MYO16: variants seen among roughly 807,000 people sequenced by gnomAD.
The protein encoded by MYO16 is myosin XVI, also known as unconventional myosin-XVI.
Under a neutral mutation model 205.3 loss-of-function variants are expected in MYO16, and 94 were observed. That is an observed-to-expected ratio of 0.46 (90% CI 0.39 to 0.54). The LOEUF (loss-of-function observed/expected upper bound fraction) is 0.54, where lower values mean the gene tolerates loss of function less well. Among genes scored for constraint, MYO16 ranks in the 20% least tolerant of loss-of-function variants. The probability of loss-of-function intolerance (pLI) is 0.00; values close to 1 mark genes in which losing one functional copy is unlikely to be tolerated. For missense variants in MYO16, 2,315 were observed against 2,387.5 expected (o/e 0.97, Z 0.63); for synonymous variants, 988 against 954.0 (o/e 1.04, Z -0.66).
At chr13:108,857,724 C>T (rs1434185270) in intron 11 of MYO16, among the ~76,000 whole-genome samples, 5 of 152,176 alleles carry the variant, frequency 3.3e-5, no homozygotes, top group South Asian at 2.1e-4. Context: ...AAATGGAGTT[C>T]GTTATGTGAG....
intron 2 of MYO16, among the ~76,000 whole-genome samples, chr13:108,685,614 C>A (rs1882646514): frequency 6.6e-6 from 1 of 152,164 alleles, no homozygotes; most frequent in African/African-American, 2.4e-5. Context: ...GGAGGGCCTT[C>A]AAATATCCCG....
the MYO16 span, among the ~76,000 whole-genome samples, chr13:108,521,984 C>T: frequency 6.6e-6 from 1 of 152,170 alleles, no homozygotes; most frequent in Non-Finnish European, 1.5e-5. Flanking sequence ...TTCCCCCAGT[C>T]TTTCTTCTCA....
chr13:109,129,418 T>C (rs1485042823), intron 31 of MYO16, among the ~76,000 whole-genome samples: 1 of 152,084 alleles, frequency 6.6e-6, no homozygotes, highest in Admixed American at 6.5e-5. Context: ...GGCTTAGATA[T>C]AAATTAGAAC....
In MYO16 at chr13:108,929,013, G is replaced by T. The variant is rs1270792214; in HGVS notation, c.1925+18863G>T. 3.9e-5 allele frequency among the ~76,000 whole-genome samples: 6 copies of T among 152,122 alleles called. No individual in the cohort carries two copies. The East Asian group carries it at 1.2e-3, about 29-fold the overall frequency. On this transcript the variant is annotated intron_variant, in intron 16 of 34. Transcript: ENST00000457511. ...AAACAAAGTCACTAGAAAACTAAAT[G>T]TTGATAATTGGTAATGAAAACAAAA...
In MYO16 at chr13:108,798,924, C is replaced by A. The variant is rs577117054; in HGVS notation, c.741+5284C>A. Among the ~76,000 whole-genome samples, 5 of 145,736 alleles carry A rather than the reference C, an allele frequency of 3.4e-5. No homozygotes were observed. In the East Asian group the frequency reaches 1.0e-3, roughly 30 times the overall value. ...GTTTCACCTTGTTAGCCGGGATGGT[C>A]TCGATCTCCCGACCTCATGATCCAC... On this transcript the variant is annotated intron_variant, in intron 6 of 34. Transcript: ENST00000457511.
chr13:108,980,389 CCT>C (rs1386295123), intron 20 of MYO16, among the ~76,000 whole-genome samples: 6 of 152,116 alleles, frequency 3.9e-5, no homozygotes, highest in African/African-American at 1.4e-4. Context: ...CTTTTCAACC[CCT>C]GTTAACTGTC....
chr13:108,678,283 A>G (rs1594202088), intron 2 of MYO16, among the ~76,000 whole-genome samples: 2 of 152,302 alleles, frequency 1.3e-5, no homozygotes, highest in Admixed American at 1.3e-4. Context: ...AAACTGCCCC[A>G]CTGGAGCCAG....
chr13:109,150,821 A>G (rs1380336733), intron 32 of MYO16, among the ~76,000 whole-genome samples: 2 of 152,252 alleles, frequency 1.3e-5, no homozygotes, highest in Non-Finnish European at 2.9e-5. Flanking sequence ...CTGGATTGCA[A>G]ATTAAACTCC....
chr13:108,623,912 C>T (rs528615651), intron 1 of MYO16, among the ~76,000 whole-genome samples: 50 of 151,980 alleles, frequency 3.3e-4, no homozygotes, highest in Admixed American at 8.5e-4. Context: ...TGAATATAAG[C>T]TTTAGAGAAG....
chr13:108,984,566 C>G (rs902758294), intron 20 of MYO16, among the ~76,000 whole-genome samples: 1 of 152,132 alleles, frequency 6.6e-6, no homozygotes, highest in Non-Finnish European at 1.5e-5. Context: ...AATCTTCCAC[C>G]CCACCTATCC....
chr13:108,504,277 A>G, the MYO16 span, among the ~76,000 whole-genome samples: 4 of 152,004 alleles, frequency 2.6e-5, no homozygotes, highest in African/African-American at 7.3e-5. Flanking sequence ...ACATGCTACC[A>G]TGCCCAGCTA....
intron 23 of MYO16, among the ~76,000 whole-genome samples, chr13:109,030,307 T>C (rs1006593545): frequency 6.6e-6 from 1 of 152,106 alleles, no homozygotes; most frequent in Admixed American, 6.5e-5. Context: ...AAACCTCAGA[T>C]AGAAAGCTGA....
the MYO16 span, among the ~76,000 whole-genome samples, chr13:108,528,138 G>A: frequency 1.3e-5 from 2 of 152,216 alleles, no homozygotes; most frequent in African/African-American, 4.8e-5. Flanking sequence ...GGCATCTACA[G>A]AGGTGAAGCT....
chr13:109,024,000 A>G (rs1027042038), intron 23 of MYO16, among the ~76,000 whole-genome samples: 1 of 101,880 alleles, frequency 9.8e-6, no homozygotes, highest in Non-Finnish European at 2.1e-5. Context: ...ATATGTATAT[A>G]TAGAAATATT....
chr13:109,103,895 T>C (rs1889045646), intron 28 of MYO16, among the ~76,000 whole-genome samples: 1 of 152,212 alleles, frequency 6.6e-6, no homozygotes, highest in Non-Finnish European at 1.5e-5. Context: ...ATTTTTAGTA[T>C]TTAATAAAAA....
At chr13:109,018,716 A>G (rs984488840) in intron 22 of MYO16, among the ~76,000 whole-genome samples, 1 of 152,200 alleles carries the variant, frequency 6.6e-6, no homozygotes, top group African/African-American at 2.4e-5. Context: ...TTTTCCTGGT[A>G]CAGTCTGTCA....
chr13:109,165,980 C>T lies in MYO16; in HGVS notation c.5323+921C>T, dbSNP rs117374597. On this transcript the variant is annotated intron_variant, in intron 33 of 34. Coordinates refer to ENST00000457511, the MANE Select transcript of MYO16 (RefSeq NM_001198950.3). ...GGCCTACAGGTACCTGGGAGAAACA[C>T]GTGTACATTTTCCCCAAAGGGCAGT... 2.4e-4 allele frequency among the ~76,000 whole-genome samples: 36 copies of T among 152,220 alleles called. No homozygotes were observed. The East Asian group carries it at 6.4e-3, about 27-fold the overall frequency.
At chr13:109,001,254 CAA>C (rs1274495888) in intron 21 of MYO16, among the ~76,000 whole-genome samples, 2 of 150,698 alleles carry the variant, frequency 1.3e-5, no homozygotes, top group Admixed American at 1.3e-4. Flanking sequence ...CAAACAAAAA[CAA>C]ATACGGCAGC....
intron 14 of MYO16, among the ~76,000 whole-genome samples, chr13:108,892,805 A>T (rs527811796): frequency 6.6e-6 from 1 of 152,334 alleles, no homozygotes; most frequent in South Asian, 2.1e-4. Flanking sequence ...AGGCTGTATA[A>T]TTTCTGTAAT....
Sources: gnomAD v4.1 joint callset for allele counts (sites outside exome capture counted in the v4.1 genomes callset) on GRCh38, gnomAD v4.1.1 for gene constraint, MANE v1.5 for transcripts, NCBI Gene and HGNC (gene_info 2026-07-23, HGNC 2026-07-21) for gene names.